Variants in PBX3 observed in about 807,000 individuals in gnomAD.
The protein encoded by PBX3 is PBX homeobox 3, also known as pre-B-cell leukemia transcription factor 3.
Under a neutral mutation model 48.5 loss-of-function variants are expected in PBX3, and 14 were observed. The observed-to-expected ratio is 0.29, with a 90% CI of 0.19 to 0.45. The LOEUF (loss-of-function observed/expected upper bound fraction) is 0.45. Among genes scored for constraint, PBX3 ranks in the 20% least tolerant of loss-of-function variants. The pLI, the probability that PBX3 is intolerant of heterozygous loss-of-function variation, is 1.00. For missense variants in PBX3, 386 were observed against 546.7 expected, an observed-to-expected ratio of 0.71 and a Z score of 2.93; for synonymous variants, 210 against 200.3, an observed-to-expected ratio of 1.05 and a Z score of -0.41.
intron 3 of PBX3, among the ~76,000 whole-genome samples, chr9:125,925,297 A>T (rs1204899235): frequency 6.6e-6 from 1 of 152,140 alleles, no homozygotes; most frequent in Non-Finnish European, 1.5e-5. Flanking sequence ...GCTGTTGAAT[A>T]TGGCAGCCAC....
At chr9:125,837,161 C>T (rs765824645) in intron 2 of PBX3, among the ~76,000 whole-genome samples, 15 of 152,074 alleles carry the variant, frequency 9.9e-5, no homozygotes, top group Non-Finnish European at 2.1e-4. Flanking sequence ...AATTATGTTA[C>T]TCCTATTCAG....
At chr9:125,882,456 A>G (rs974212543) in intron 2 of PBX3, among the ~76,000 whole-genome samples, 18 of 152,316 alleles carry the variant, frequency 1.2e-4, no homozygotes, top group Non-Finnish European at 4.4e-5. Flanking sequence ...CTGGTTTTGT[A>G]GTTTCAGCTG....
chr9:125,922,504 T>C (rs1287070879), intron 3 of PBX3, among the ~76,000 whole-genome samples: 1 of 152,204 alleles, frequency 6.6e-6, no homozygotes, highest in African/African-American at 2.4e-5. Context: ...GTATTTATAT[T>C]ATGGACATTA....
At chr9:125,905,261 G>C (rs564286888) in intron 2 of PBX3, among the ~76,000 whole-genome samples, 50 of 152,034 alleles carry the variant, frequency 3.3e-4, no homozygotes, top group African/African-American at 1.1e-3. Context: ...TTGTTTATCT[G>C]CCCATTTGTG....
chr9:125,839,927 C>T (rs1839242454), intron 2 of PBX3, among the ~76,000 whole-genome samples: 1 of 152,056 alleles, frequency 6.6e-6, no homozygotes, highest in South Asian at 2.1e-4. Context: ...TAGTATAAAG[C>T]AAAAGCTTTC....
intron 2 of PBX3, among the ~76,000 whole-genome samples, chr9:125,840,261 A>AT (rs1239975287): frequency 2.6e-5 from 4 of 151,948 alleles, no homozygotes; most frequent in East Asian, 1.9e-4. Context: ...TTTATTTTTC[A>AT]TTTTTTAGCA....
chr9:125,761,566 CATT>C (rs1260719005), intron 2 of PBX3, among the ~76,000 whole-genome samples: 1 of 151,840 alleles, frequency 6.6e-6, no homozygotes, highest in Non-Finnish European at 1.5e-5. Flanking sequence ...GTCTCCGTAA[CATT>C]AGAGAAAAAG....
intron 2 of PBX3, among the ~76,000 whole-genome samples, chr9:125,878,436 C>T (rs534926422): frequency 5.9e-5 from 9 of 152,330 alleles, no homozygotes; most frequent in Middle Eastern, 3.4e-3. Flanking sequence ...ATTAGGCCTC[C>T]GGCTGCCCAG....
chr9:125,810,281 T>G (rs1401789320), intron 2 of PBX3, among the ~76,000 whole-genome samples: 1 of 152,052 alleles, frequency 6.6e-6, no homozygotes, highest in Non-Finnish European at 1.5e-5. Flanking sequence ...ATTTTATAAT[T>G]CTCAAGGGGC....
chr9:125,929,025 C>T (rs1219128684), intron 3 of PBX3, among the ~76,000 whole-genome samples: 1 of 152,238 alleles, frequency 6.6e-6, no homozygotes, highest in Non-Finnish European at 1.5e-5. Flanking sequence ...ACTGTTATTT[C>T]TAGTACCTGG....
intron 2 of PBX3, among the ~76,000 whole-genome samples, chr9:125,810,365 A>AGTGTGTGT (rs113025234): frequency 0.021 from 3,056 of 145,478 alleles, 94 homozygotes; most frequent in East Asian, 0.15. Flanking sequence ...AGCAGGAATG[A>AGTGTGTGT]GTGTGTGTGT....
chr9:125,949,365 G>A, intron 5 of PBX3: 1 of 1,550,296 alleles, frequency 6.5e-7, no homozygotes, highest in Non-Finnish European at 8.7e-7. Flanking sequence ...ACATTTTCTT[G>A]CCGGGCATAC....
At position 125,966,923 on chromosome 9, in the gene PBX3, T is replaced by C. The variant is rs1485812350; in HGVS notation, c.*1000T>C. 1 of 152,634 alleles carries C rather than the reference T, an allele frequency of 6.6e-6. No homozygotes were observed. The highest frequency in any genetic ancestry group is 1.5e-5 in the Non-Finnish European group (1 of 68,040). 9.5% of individuals were successfully genotyped at this position (152,634 alleles called of 1,614,324 possible). ...TAACTCTTTGTTTCCCTTCATAAAA[T>C]GTAATGTACATTGTAATCTTTTAAA... On this transcript the variant is annotated 3_prime_UTR_variant, in exon 9 of 9. Transcript: ENST00000373489.
chr9:125,753,364 A>C (rs968240074), intron 2 of PBX3, among the ~76,000 whole-genome samples: 1 of 151,952 alleles, frequency 6.6e-6, no homozygotes, highest in Non-Finnish European at 1.5e-5. Context: ...TGTAAAAGAA[A>C]GGGATTTTTC....
intron 4 of PBX3, 38 bp from the exon 5 acceptor site, chr9:125,935,434 A>T (rs754035016): frequency 8.1e-6 from 13 of 1,605,800 alleles, no homozygotes; most frequent in Admixed American, 1.7e-5. Flanking sequence ...GTTAATGCTG[A>T]TTGTAACTGC....
chr9:125,748,660 C>G lies in PBX3; in HGVS notation c.274+37C>G, dbSNP rs779625959. 4.5e-6 allele frequency: 7 copies of G among 1,556,862 alleles called. No individual in the cohort carries two copies. In the Admixed American group the frequency reaches 1.2e-4, roughly 26 times the overall value. On this transcript the variant is annotated intron_variant, in intron 2 of 8. Coordinates refer to ENST00000373489, the MANE Select transcript of PBX3 (RefSeq NM_006195.6). ...CGCCCCGCAGTGGGCCTGGAGACCC[C>G]CGAGGTGGGGGTCGGAGCTACTCCT...
intron 2 of PBX3, among the ~76,000 whole-genome samples, chr9:125,834,321 CT>C (rs1401511527): frequency 1.3e-4 from 20 of 152,086 alleles, no homozygotes; most frequent in Non-Finnish European, 2.6e-4. Flanking sequence ...AAGATGTCAC[CT>C]TTCAACAAGT....
intron 2 of PBX3, among the ~76,000 whole-genome samples, chr9:125,875,245 A>G (rs751976745): frequency 3.3e-5 from 5 of 151,980 alleles, no homozygotes; most frequent in African/African-American, 1.2e-4. Flanking sequence ...TTCTTTATAC[A>G]TGTTTTGTTT....
At chr9:125,780,457 G>T (rs1837237927) in intron 2 of PBX3, among the ~76,000 whole-genome samples, 1 of 130,312 alleles carries the variant, frequency 7.7e-6, no homozygotes. Context: ...GGCTGGCCGG[G>T]CGGGGGGCTG....
Sources: allele counts gnomAD v4.1 joint callset (sites outside exome capture counted in the v4.1 genomes callset), GRCh38; gene constraint gnomAD v4.1.1; transcripts MANE v1.5; gene names NCBI Gene and HGNC (gene_info 2026-07-23, HGNC 2026-07-21).